PCDH7: variants seen among roughly 807,000 people sequenced by gnomAD.
The protein encoded by PCDH7 is protocadherin 7.
Under a neutral mutation model 58.9 loss-of-function variants are expected in PCDH7, and 17 were observed. The ratio of observed to expected loss-of-function variants is 0.29; its 90% CI spans 0.20 to 0.43. The LOEUF is 0.43. Among genes scored for constraint, PCDH7 ranks in the 20% least tolerant of loss-of-function variants. PCDH7 has a pLI of 1.00. For synonymous variants in PCDH7, 664 were observed against 616.4 expected (o/e 1.08, Z -1.14); for missense variants, 1,274 against 1,441.0 (o/e 0.88, Z 1.88).
chr4:30,766,648 C>CATATATAT (rs71963039), intron 1 of PCDH7, among the ~76,000 whole-genome samples: 2 of 148,912 alleles, frequency 1.3e-5, no homozygotes, highest in East Asian at 3.9e-4. Flanking sequence ...AAATCTCAAA[C>CATATATAT]ATATATATAT....
intron 1 of PCDH7, among the ~76,000 whole-genome samples, chr4:30,843,207 A>C (rs1731453474): frequency 6.6e-6 from 1 of 151,304 alleles, no homozygotes. Flanking sequence ...TTTATTATTT[A>C]TTTATTTATT....
intron 3 of PCDH7, among the ~76,000 whole-genome samples, chr4:30,994,358 G>A (rs1029860936): frequency 6.6e-6 from 1 of 152,120 alleles, no homozygotes; most frequent in African/African-American, 2.4e-5. Context: ...CTGACACGAT[G>A]ACCCATGACA....
At chr4:30,987,940 G>C (rs1751122541) in intron 3 of PCDH7, 1 of 152,024 alleles carries the variant, frequency 6.6e-6, no homozygotes, top group Non-Finnish European at 1.5e-5. Flanking sequence ...TTCTAGGGAG[G>C]GTATTGTACT....
At chr4:31,040,431 G>A (rs1165855624) in intron 3 of PCDH7, among the ~76,000 whole-genome samples, 1 of 152,184 alleles carries the variant, frequency 6.6e-6, no homozygotes, top group African/African-American at 2.4e-5. Flanking sequence ...GGGAAAGGAT[G>A]TTCTTAAATT....
chr4:31,102,191 C>CTT (rs74712205), intron 3 of PCDH7, among the ~76,000 whole-genome samples: 3 of 144,448 alleles, frequency 2.1e-5, no homozygotes, highest in African/African-American at 5.1e-5. Context: ...TATTATGATC[C>CTT]TTTTTTTTTT....
At chr4:30,734,272 G>A (rs1715931879), downstream of PCDH7, among the ~76,000 whole-genome samples, 1 of 144,674 alleles carries the variant, frequency 6.9e-6, no homozygotes, top group African/African-American at 2.6e-5. Flanking sequence ...TGGCTCCATT[G>A]CCCAGGCTGG....
intron 1 of PCDH7, among the ~76,000 whole-genome samples, chr4:30,824,138 TCTTTCTTTCTTTC>T (rs1728790501): frequency 6.8e-6 from 1 of 147,256 alleles, no homozygotes; most frequent in African/African-American, 2.5e-5. Flanking sequence ...TTTCTTTCTT[TCTTTCTTTCTTTC>T]TTTCTTTCTT....
intron 1 of PCDH7, among the ~76,000 whole-genome samples, chr4:30,837,167 G>A (rs1730581100): frequency 1.3e-5 from 2 of 152,014 alleles, no homozygotes; most frequent in East Asian, 3.9e-4. Flanking sequence ...GATTTCAGGA[G>A]CAAATATGCA....
intron 3 of PCDH7, among the ~76,000 whole-genome samples, chr4:31,126,251 G>A (rs1718288650): frequency 6.6e-6 from 1 of 151,636 alleles, no homozygotes; most frequent in Non-Finnish European, 1.5e-5. Flanking sequence ...TGCTGCCTGG[G>A]TTCAAGAGAT....
At chr4:30,869,480 G>C (rs1735274810) in intron 1 of PCDH7, among the ~76,000 whole-genome samples, 1 of 152,018 alleles carries the variant, frequency 6.6e-6, no homozygotes, top group African/African-American at 2.4e-5. Context: ...TCACCTCCCT[G>C]TGTCCATGTG....
chr4:31,031,969 G>A (rs1754958769), intron 3 of PCDH7, among the ~76,000 whole-genome samples: 1 of 151,958 alleles, frequency 6.6e-6, no homozygotes, highest in East Asian at 1.9e-4. Flanking sequence ...TATCTATATG[G>A]GGCTAACTCA....
intron 3 of PCDH7, among the ~76,000 whole-genome samples, chr4:31,104,107 C>G (rs1715247796): frequency 6.6e-6 from 1 of 152,218 alleles, no homozygotes; most frequent in Admixed American, 6.5e-5. Flanking sequence ...ACAAGGGCTC[C>G]TATAGCATAA....
chr4:31,087,922 C>A (rs1471735181), intron 3 of PCDH7, among the ~76,000 whole-genome samples: 2 of 151,948 alleles, frequency 1.3e-5, no homozygotes, highest in Admixed American at 6.6e-5. Context: ...AAAAGCACTC[C>A]TTTAAATGCT....
intron 1 of PCDH7, among the ~76,000 whole-genome samples, chr4:30,769,726 G>A (rs1721170650): frequency 6.6e-6 from 1 of 152,046 alleles, no homozygotes; most frequent in African/African-American, 2.4e-5. Context: ...CAGTATATAA[G>A]GACTTTTTTC....
intron 1 of PCDH7, among the ~76,000 whole-genome samples, chr4:30,869,760 T>G (rs1735320166): frequency 6.6e-6 from 1 of 152,182 alleles, no homozygotes; most frequent in Admixed American, 6.5e-5. Flanking sequence ...CCACGTGTCT[T>G]TATAGTAGAA....
intron 1 of PCDH7, among the ~76,000 whole-genome samples, chr4:30,752,758 C>G (rs531995509): frequency 3.7e-4 from 49 of 132,310 alleles, no homozygotes; most frequent in Admixed American, 1.1e-3. Context: ...CACATCCAGT[C>G]CTATCTTCCT....
intron 3 of PCDH7, among the ~76,000 whole-genome samples, chr4:31,033,047 T>A (rs1755095165): frequency 6.6e-6 from 1 of 152,330 alleles, no homozygotes; most frequent in East Asian, 1.9e-4. Flanking sequence ...AGTGTGTTGG[T>A]AAGCATTCAG....
At chr4:30,836,916 C>A (rs1413623786) in intron 1 of PCDH7, among the ~76,000 whole-genome samples, 1 of 152,116 alleles carries the variant, frequency 6.6e-6, no homozygotes. Context: ...TTCATTATCA[C>A]CGACTCACTT....
intron 3 of PCDH7, among the ~76,000 whole-genome samples, chr4:30,978,914 GATAA>G (rs771054292): frequency 1.2e-4 from 19 of 152,004 alleles, no homozygotes; most frequent in Middle Eastern, 3.2e-3. Context: ...AAGGGGGCGA[GATAA>G]ATTAATTATT....
Sources: allele counts gnomAD v4.1 joint callset (sites outside exome capture counted in the v4.1 genomes callset), GRCh38; gene constraint gnomAD v4.1.1; transcripts MANE v1.5; gene names NCBI Gene and HGNC (gene_info 2026-07-23, HGNC 2026-07-21).